NCOA2: variants seen among roughly 807,000 people sequenced by gnomAD.
NCOA2 encodes nuclear receptor coactivator 2.
Under a neutral mutation model 145.1 loss-of-function variants are expected in NCOA2, and 21 were observed. The ratio of observed to expected loss-of-function variants is 0.14; its 90% CI spans 0.10 to 0.21. NCOA2 has a LOEUF of 0.21. Ranked by LOEUF, NCOA2 falls within the 10% of genes least tolerant of loss-of-function variation. The pLI is 1.00. For synonymous variants in NCOA2, 619 were observed against 637.5 expected, an observed-to-expected ratio of 0.97 and a Z score of 0.44; for missense variants, 1,472 against 1,837.6, an observed-to-expected ratio of 0.80 and a Z score of 3.64.
At chr8:70,430,465 A>C in the NCOA2 span, among the ~76,000 whole-genome samples, 1 of 152,198 alleles carries the variant, frequency 6.6e-6, no homozygotes, top group Non-Finnish European at 1.5e-5. Context: ...AAATTTTGAC[A>C]TATGTATATA....
chr8:70,304,166 T>C (rs541122154), intron 1 of NCOA2, among the ~76,000 whole-genome samples: 1 of 152,342 alleles, frequency 6.6e-6, no homozygotes, highest in African/African-American at 2.4e-5. Context: ...ATGCACTGCA[T>C]AACAACATTT....
At chr8:70,373,096 G>C (rs915549625) in intron 1 of NCOA2, among the ~76,000 whole-genome samples, 18 of 150,364 alleles carry the variant, frequency 1.2e-4, no homozygotes, top group Non-Finnish European at 2.4e-4. Flanking sequence ...AGTCTTTGTG[G>C]ACATGTGCTT....
chr8:70,149,078 T>C (rs889522958), intron 11 of NCOA2, among the ~76,000 whole-genome samples: 1 of 151,906 alleles, frequency 6.6e-6, no homozygotes, highest in Non-Finnish European at 1.5e-5. Context: ...ATTTGAGTAG[T>C]CCTTTTTTTC....
intron 5 of NCOA2, among the ~76,000 whole-genome samples, chr8:70,170,944 T>C (rs926375012): frequency 1.3e-5 from 2 of 152,168 alleles, no homozygotes; most frequent in Non-Finnish European, 2.9e-5. Flanking sequence ...CCTTTATTAC[T>C]TGGTGTATAT....
rs955507902 is a variant in NCOA2, at chr8:70,111,978, G to C, written c.*1654C>G. 1 of 220,902 alleles carries C rather than the reference G, an allele frequency of 4.5e-6. No individual in the cohort carries two copies. Among genetic ancestry groups the C allele is most frequent in the African/African-American group, 2.2e-5 (1 of 44,654 alleles). The allele number at this position is 220,902 out of a possible 1,614,324, so 13.7% of individuals were successfully genotyped here. ...TCATCAGTTTCTTGGTATTGGAGTTGTCTGAAACTGACACCTATTAATAAA... is the reference window on the plus strand; with the variant it reads ...TCATCAGTTTCTTGGTATTGGAGTTCTCTGAAACTGACACCTATTAATAAA... On this transcript the variant is annotated 3_prime_UTR_variant, in exon 23 of 23. Transcript: ENST00000452400.
chr8:70,393,823 T>C (rs578127316), intron 1 of NCOA2, among the ~76,000 whole-genome samples: 31 of 152,368 alleles, frequency 2.0e-4, no homozygotes, highest in African/African-American at 7.0e-4. Context: ...AATGCTGCTA[T>C]TGATTGCATG....
chr8:70,384,797 A>G (rs1398237462), intron 1 of NCOA2, among the ~76,000 whole-genome samples: 1 of 152,198 alleles, frequency 6.6e-6, no homozygotes, highest in East Asian at 1.9e-4. Context: ...CCACCATGAA[A>G]CCACAGGAAT....
chr8:70,284,869 G>A (rs992263083), intron 2 of NCOA2, among the ~76,000 whole-genome samples: 16 of 149,922 alleles, frequency 1.1e-4, no homozygotes, highest in South Asian at 2.2e-4. Context: ...GAGGGGAGAC[G>A]GGGAGAGAAT....
At chr8:70,138,055 T>C in intron 15 of NCOA2, 148 bp downstream of exon 15, 1 of 753,588 alleles carries the variant, frequency 1.3e-6, no homozygotes, top group Non-Finnish European at 2.0e-6. Context: ...TACTGATTTC[T>C]GGATTCACCC....
At chr8:70,276,459 C>G (rs1297064024) in intron 2 of NCOA2, among the ~76,000 whole-genome samples, 1 of 152,138 alleles carries the variant, frequency 6.6e-6, no homozygotes, top group Non-Finnish European at 1.5e-5. Flanking sequence ...CCACCCAAAT[C>G]TCATCATGAA....
intron 2 of NCOA2, among the ~76,000 whole-genome samples, chr8:70,248,714 A>C (rs1822830287): frequency 6.6e-6 from 1 of 152,010 alleles, no homozygotes; most frequent in African/African-American, 2.4e-5. Flanking sequence ...AGTGCTATGC[A>C]AATAGTTGTT....
intron 1 of NCOA2, among the ~76,000 whole-genome samples, chr8:70,392,611 T>C (rs929167479): frequency 6.6e-6 from 1 of 152,246 alleles, no homozygotes; most frequent in African/African-American, 2.4e-5. Context: ...TCTTTTTTTA[T>C]CACTTCTTCA....
At chr8:70,331,485 A>G (rs1461762758) in intron 1 of NCOA2, among the ~76,000 whole-genome samples, 1 of 152,146 alleles carries the variant, frequency 6.6e-6, no homozygotes, top group African/African-American at 2.4e-5. Flanking sequence ...AGATCTCTTC[A>G]GTTGCCTAAG....
chr8:70,130,704 C>A (rs1240358859), intron 16 of NCOA2, among the ~76,000 whole-genome samples: 1 of 151,902 alleles, frequency 6.6e-6, no homozygotes, highest in African/African-American at 2.4e-5. Context: ...AATGACTCTG[C>A]ATCATCTTTC....
intron 1 of NCOA2, among the ~76,000 whole-genome samples, chr8:70,337,623 G>A (rs1443246044): frequency 6.6e-6 from 1 of 152,120 alleles, no homozygotes; most frequent in African/African-American, 2.4e-5. Flanking sequence ...AAGGTATTTA[G>A]AACAATGCCT....
chr8:70,379,949 T>C (rs1316942129), intron 1 of NCOA2, among the ~76,000 whole-genome samples: 3 of 152,086 alleles, frequency 2.0e-5, no homozygotes, highest in Non-Finnish European at 4.4e-5. Context: ...CTGAAGGATA[T>C]AAAGGTGTCA....
At chr8:70,394,318 G>A (rs942101460) in intron 1 of NCOA2, among the ~76,000 whole-genome samples, 1 of 152,148 alleles carries the variant, frequency 6.6e-6, no homozygotes, top group South Asian at 2.1e-4. Flanking sequence ...ACCATGCCCG[G>A]CTAATTTTGT....
intron 14 of NCOA2, among the ~76,000 whole-genome samples, chr8:70,139,041 TA>T (rs1810068820): frequency 6.6e-6 from 1 of 152,222 alleles, no homozygotes; most frequent in Non-Finnish European, 1.5e-5. Context: ...GAACGTCGAC[TA>T]ACTGTACTTC....
chr8:70,405,450 T>TTG (rs1405859983), upstream of NCOA2, among the ~76,000 whole-genome samples: 7 of 129,632 alleles, frequency 5.4e-5, no homozygotes, highest in African/African-American at 2.0e-4. Context: ...TTTTTTTTTT[T>TTG]TTTTTTTTTT....
Sources: allele counts gnomAD v4.1 joint callset (sites outside exome capture counted in the v4.1 genomes callset), GRCh38; gene constraint gnomAD v4.1.1; transcripts MANE v1.5; gene names NCBI Gene and HGNC (gene_info 2026-07-23, HGNC 2026-07-21).